Variants in CSMD1 observed in about 807,000 individuals in gnomAD.
CSMD1 encodes the protein CUB and Sushi multiple domains 1.
A neutral mutation model predicts 417.5 loss-of-function variants in CSMD1; 213 were observed. That is an observed-to-expected ratio of 0.51 (90% CI 0.46 to 0.57). The LOEUF (loss-of-function observed/expected upper bound fraction) is 0.57. CSMD1 is among the 20% of genes least tolerant of loss of function. CSMD1 has a pLI of 0.00. For synonymous variants in CSMD1, 2,862 were observed against 1,736.8 expected, an observed-to-expected ratio of 1.65 and a Z score of -16.11; for missense variants, 6,923 against 4,529.7, an observed-to-expected ratio of 1.53 and a Z score of -15.17.
At chr8:4,740,296 T>G (rs566936268) in intron 1 of CSMD1, among the ~76,000 whole-genome samples, 1 of 152,190 alleles carries the variant, frequency 6.6e-6, no homozygotes, top group Non-Finnish European at 1.5e-5. Flanking sequence ...GTCTTTATTA[T>G]AGGGTCTTAC....
intron 3 of CSMD1, among the ~76,000 whole-genome samples, chr8:4,045,500 G>C (rs577876480): frequency 6.6e-6 from 1 of 152,344 alleles, no homozygotes; most frequent in African/African-American, 2.4e-5. Flanking sequence ...GTTGGGGGAA[G>C]ACCAGATCCA....
intron 12 of CSMD1, among the ~76,000 whole-genome samples, chr8:3,430,614 C>G (rs1814154951): frequency 6.6e-6 from 1 of 152,130 alleles, no homozygotes; most frequent in South Asian, 2.1e-4. Flanking sequence ...TGAGACCAGC[C>G]TGTCCAAAAT....
chr8:3,955,927 G>A (rs1264776219), intron 5 of CSMD1, among the ~76,000 whole-genome samples: 2 of 152,134 alleles, frequency 1.3e-5, no homozygotes, highest in Non-Finnish European at 2.9e-5. Flanking sequence ...TAAAGCAGCT[G>A]GGATTACAGG....
At chr8:3,940,875 T>C (rs1322500446) in intron 5 of CSMD1, among the ~76,000 whole-genome samples, 2 of 77,100 alleles carry the variant, frequency 2.6e-5, no homozygotes, top group African/African-American at 1.2e-4. Flanking sequence ...TTCTTCCTTA[T>C]GCCATCTCCC....
chr8:4,266,093 A>G (rs2128846575), intron 3 of CSMD1, among the ~76,000 whole-genome samples: 2 of 103,462 alleles, frequency 1.9e-5, no homozygotes, highest in African/African-American at 5.3e-5. Context: ...CTCACCAGGC[A>G]TATTAGCTGA....
At chr8:4,242,736 C>T (rs1352058052) in intron 3 of CSMD1, among the ~76,000 whole-genome samples, 3 of 152,158 alleles carry the variant, frequency 2.0e-5, no homozygotes, top group African/African-American at 4.8e-5. Flanking sequence ...AGTGGCTCTC[C>T]TGCAGGGCAC....
chr8:3,088,043 G>A (rs1814668520), intron 48 of CSMD1, among the ~76,000 whole-genome samples: 2 of 152,164 alleles, frequency 1.3e-5, no homozygotes, highest in African/African-American at 4.8e-5. Flanking sequence ...TTTAGCATAT[G>A]GGATTTGAAT....
chr8:4,930,892 T>C (rs1807204263), intron 1 of CSMD1, among the ~76,000 whole-genome samples: 1 of 152,214 alleles, frequency 6.6e-6, no homozygotes, highest in Non-Finnish European at 1.5e-5. Context: ...GTATGTCTAG[T>C]TTTCTGTATC....
At chr8:3,662,975 T>A (rs1375266142) in intron 7 of CSMD1, among the ~76,000 whole-genome samples, 1 of 152,114 alleles carries the variant, frequency 6.6e-6, no homozygotes, top group Non-Finnish European at 1.5e-5. Flanking sequence ...CTGCAGGTTC[T>A]GCACAAGTAT....
intron 6 of CSMD1, among the ~76,000 whole-genome samples, chr8:3,742,794 A>C (rs1472865827): frequency 6.6e-6 from 1 of 152,230 alleles, no homozygotes; most frequent in East Asian, 1.9e-4. Flanking sequence ...CAGCAACAAC[A>C]AAAAACAAAC....
intron 3 of CSMD1, among the ~76,000 whole-genome samples, chr8:4,157,585 G>T (rs987719808): frequency 1.3e-5 from 2 of 152,116 alleles, no homozygotes; most frequent in Non-Finnish European, 2.9e-5. Flanking sequence ...AAGACCCTCT[G>T]CCGGTCATGT....
At chr8:4,271,215 C>G (rs920118741) in intron 3 of CSMD1, among the ~76,000 whole-genome samples, 1 of 152,034 alleles carries the variant, frequency 6.6e-6, no homozygotes, top group Non-Finnish European at 1.5e-5. Flanking sequence ...TATATACTTG[C>G]AATGCGATAT....
chr8:4,846,109 C>A (rs1801127569), intron 1 of CSMD1, among the ~76,000 whole-genome samples: 2 of 152,160 alleles, frequency 1.3e-5, no homozygotes, highest in Non-Finnish European at 2.9e-5. Flanking sequence ...AGAACTTCCA[C>A]GTGGCCATTG....
intron 7 of CSMD1, among the ~76,000 whole-genome samples, chr8:3,661,217 C>A (rs2624084): frequency 6.6e-6 from 1 of 152,082 alleles, no homozygotes; most frequent in African/African-American, 2.4e-5. Flanking sequence ...ACCTAATTTA[C>A]GAGTATGCAT....
At chr8:3,133,848 A>G (rs916348480) in intron 41 of CSMD1, among the ~76,000 whole-genome samples, 2 of 152,192 alleles carry the variant, frequency 1.3e-5, no homozygotes, top group Non-Finnish European at 2.9e-5. Flanking sequence ...GCATGGCCTT[A>G]AAGGCCGGTC....
intron 26 of CSMD1, among the ~76,000 whole-genome samples, chr8:3,252,791 G>A (rs572690000): frequency 9.8e-5 from 15 of 152,308 alleles, no homozygotes; most frequent in African/African-American, 3.6e-4. Flanking sequence ...TTAGTCTTGG[G>A]AGGGTGTATG....
At chr8:4,494,356 T>C (rs1305018814) in intron 2 of CSMD1, among the ~76,000 whole-genome samples, 1 of 152,224 alleles carries the variant, frequency 6.6e-6, no homozygotes, top group Non-Finnish European at 1.5e-5. Context: ...CTCAGTGACA[T>C]TTGAGACTTA....
chr8:4,319,537 A>C (rs907446960), intron 3 of CSMD1, among the ~76,000 whole-genome samples: 2 of 152,180 alleles, frequency 1.3e-5, no homozygotes, highest in Non-Finnish European at 2.9e-5. Flanking sequence ...AAACAAACAA[A>C]GTCACAGAAA....
At chr8:3,953,134 T>G (rs1301079036) in intron 5 of CSMD1, among the ~76,000 whole-genome samples, 1 of 151,922 alleles carries the variant, frequency 6.6e-6, no homozygotes, top group Non-Finnish European at 1.5e-5. Context: ...TCATAAACCC[T>G]AAAAAATACC....
Sources: allele counts gnomAD v4.1 joint callset (sites outside exome capture counted in the v4.1 genomes callset), GRCh38; gene constraint gnomAD v4.1.1; transcripts MANE v1.5; gene names NCBI Gene and HGNC (gene_info 2026-07-23, HGNC 2026-07-21).